NECTIN3: variants seen among roughly 807,000 people sequenced by gnomAD.
NECTIN3 encodes the protein nectin-3.
NECTIN3 carries 8 observed loss-of-function variants against 49.4 expected under a neutral mutation model. The observed-to-expected ratio is 0.16, with a 90% confidence interval of 0.10 to 0.29. The LOEUF is 0.29. Among genes scored for constraint, NECTIN3 ranks in the 10% least tolerant of loss-of-function variants. The pLI, the probability that NECTIN3 is intolerant of heterozygous loss-of-function variation, is 1.00. For synonymous variants in NECTIN3, 277 were observed against 241.1 expected (o/e 1.15, Z -1.38); for missense variants, 581 against 654.6 (o/e 0.89, Z 1.23).
At chr3:111,110,215 A>G (rs2033396100) in intron 1 of NECTIN3, among the ~76,000 whole-genome samples, 1 of 151,744 alleles carries the variant, frequency 6.6e-6, no homozygotes, top group African/African-American at 2.4e-5. Context: ...TTGAATTTCC[A>G]GTCTCAGTTG....
chr3:111,110,923 A>G (rs1044761955), intron 1 of NECTIN3, among the ~76,000 whole-genome samples: 10 of 151,890 alleles, frequency 6.6e-5, no homozygotes, highest in Non-Finnish European at 7.4e-5. Context: ...TTTTTACCAT[A>G]TTTGGATGTG....
intron 7 of NECTIN3, among the ~76,000 whole-genome samples, chr3:111,186,732 A>T (rs924450711): frequency 6.6e-6 from 1 of 152,196 alleles, no homozygotes; most frequent in African/African-American, 2.4e-5. Context: ...GAAACTAGGG[A>T]TGAAAGCCTC....
chr3:111,142,836 TAAG>T (rs1372449741), intron 5 of NECTIN3, among the ~76,000 whole-genome samples: 3 of 151,794 alleles, frequency 2.0e-5, no homozygotes, highest in Non-Finnish European at 4.4e-5. Context: ...GTCATCAAAA[TAAG>T]AACAAAAATT....
In NECTIN3 at chr3:111,136,357, T is replaced by C. The variant is rs2034575172; in HGVS notation, c.*2142T>C. 1 of 984,678 alleles carries C rather than the reference T, an allele frequency of 1.0e-6. No homozygotes were observed. 61.0% of individuals were successfully genotyped at this position (984,678 alleles called of 1,614,324 possible). On this transcript the variant is annotated 3_prime_UTR_variant, in exon 6 of 6. Transcript: ENST00000485303. The stretch of plus-strand genomic sequence containing the variant: ...GGTTATTTGTGCGATTAGGTTTTTT[T>C]GTTTGTTTCTTTTGTGTTTGTTTGG...
intron 7 of NECTIN3, among the ~76,000 whole-genome samples, chr3:111,177,142 A>G (rs1273417507): frequency 2.0e-5 from 3 of 152,268 alleles, no homozygotes; most frequent in Non-Finnish European, 4.4e-5. Context: ...ACTTATGGTT[A>G]TTTCAAAAAG....
chr3:111,108,171 T>G (rs552864758), intron 1 of NECTIN3, among the ~76,000 whole-genome samples: 25 of 152,010 alleles, frequency 1.6e-4, no homozygotes, highest in African/African-American at 4.3e-4. Flanking sequence ...ATAGTTACAT[T>G]AGTATTTGTT....
downstream of NECTIN3, chr3:111,137,609 A>G: frequency 1.7e-6 from 1 of 586,704 alleles, no homozygotes; most frequent in South Asian, 7.6e-5. Flanking sequence ...TTGTCCTCGT[A>G]TTTACTAAAG....
intron 7 of NECTIN3, among the ~76,000 whole-genome samples, chr3:111,182,347 TG>T (rs1328382351): frequency 1.3e-5 from 2 of 152,126 alleles, no homozygotes; most frequent in East Asian, 3.8e-4. Flanking sequence ...TAGGTCAAGT[TG>T]GTTGATAGTG....
At chr3:111,173,889 C>T (rs978199573) in intron 7 of NECTIN3, among the ~76,000 whole-genome samples, 3 of 152,086 alleles carry the variant, frequency 2.0e-5, no homozygotes, top group African/African-American at 7.3e-5. Context: ...CCCTTCTTCA[C>T]TCCCTATTGT....
rs1198157781 is a variant in NECTIN3 at position 111,137,550 on chromosome 3, C to G, written c.*3335C>G. 1 of 940,092 alleles carries G rather than the reference C, an allele frequency of 1.1e-6. No homozygotes were observed. Among genetic ancestry groups the G allele is most frequent in the Admixed American group, 6.2e-5 (1 of 16,008 alleles). The allele number at this position is 940,092 out of a possible 1,614,324, so 58.2% of individuals were successfully genotyped here. On this transcript the variant is annotated 3_prime_UTR_variant, in exon 6 of 6. Transcript: ENST00000485303. The stretch of plus-strand genomic sequence containing the variant: ...TCTTTAAATAAAAGTTAAAAAAGTT[C>G]TTTAGAGGCATATTTCTGTAATAAG...
chr3:111,122,148 A>C lies in NECTIN3; in HGVS notation c.827A>C (p.Tyr276Ser). Residue 276 changes from tyrosine (Y) to serine (S), a missense_variant, in exon 4 of 6, where the codon TAT (tyrosine) becomes TCT (serine). Physicochemically the swap from Tyr to Ser is moderately radical, Grantham distance 144 (BLOSUM62 -2). Coordinates refer to ENST00000485303, the MANE Select transcript of NECTIN3 (RefSeq NM_015480.3). Reference sequence around the variant, plus strand: ...GCTCCTGAAGTTTCGGTAACAGGATATGATGGAAATTGGTTTGTAGGAAGA... The same window carrying C: ...GCTCCTGAAGTTTCGGTAACAGGATCTGATGGAAATTGGTTTGTAGGAAGA... ...QYAPEVSVTGYDGNWFVGRKG... is the reference protein window; with the variant it reads ...QYAPEVSVTGSDGNWFVGRKG... 4 of 1,612,978 alleles carry C rather than the reference A, an allele frequency of 2.5e-6. No homozygotes were observed. Among genetic ancestry groups the C allele is most frequent in the Non-Finnish European group, 3.4e-6 (4 of 1,179,128 alleles).
chr3:111,120,392 A>G (rs889236064), intron 3 of NECTIN3, among the ~76,000 whole-genome samples: 7 of 152,176 alleles, frequency 4.6e-5, no homozygotes, highest in African/African-American at 9.7e-5. Context: ...CCTATAAGAC[A>G]TGTAAACAAA....
chr3:111,096,270 T>G (rs1241425886), intron 1 of NECTIN3, among the ~76,000 whole-genome samples: 1 of 152,154 alleles, frequency 6.6e-6, no homozygotes, highest in East Asian at 1.9e-4. Context: ...ACTTTGAAGC[T>G]GAGAGAGTTG....
intron 2 of NECTIN3, among the ~76,000 whole-genome samples, chr3:111,112,752 A>G (rs2033525783): frequency 1.3e-5 from 2 of 151,990 alleles, no homozygotes; most frequent in African/African-American, 2.4e-5. Flanking sequence ...TGAGTTTTGC[A>G]TCTAGGAGCC....
intron 1 of NECTIN3, among the ~76,000 whole-genome samples, chr3:111,096,372 A>G (rs2032582453): frequency 6.6e-6 from 1 of 152,228 alleles, no homozygotes; most frequent in African/African-American, 2.4e-5. Context: ...TTAAAAGGAA[A>G]ATAGACCATG....
intron 1 of NECTIN3, among the ~76,000 whole-genome samples, chr3:111,193,044 T>C (rs973148413): frequency 6.6e-6 from 1 of 152,196 alleles, no homozygotes; most frequent in African/African-American, 2.4e-5. Flanking sequence ...GACTGGAAAA[T>C]ATAAGTTGTT....
chr3:111,172,275 A>G (rs1159014871), intron 7 of NECTIN3, among the ~76,000 whole-genome samples: 1 of 152,202 alleles, frequency 6.6e-6, no homozygotes, highest in East Asian at 1.9e-4. Context: ...GCACACAAGC[A>G]TACCCACACA....
intron 3 of NECTIN3, among the ~76,000 whole-genome samples, chr3:111,121,809 C>T (rs953465165): frequency 6.6e-6 from 1 of 152,140 alleles, no homozygotes; most frequent in Non-Finnish European, 1.5e-5. Flanking sequence ...CTACATCTCG[C>T]ATAATAGGAT....
At chr3:111,164,604 G>T (rs2107522468) in intron 7 of NECTIN3, among the ~76,000 whole-genome samples, 1 of 152,304 alleles carries the variant, frequency 6.6e-6, no homozygotes, top group East Asian at 1.9e-4. Context: ...GGTCCTGGGG[G>T]GAAATCTTTT....
Sources: gnomAD v4.1 joint callset for allele counts (sites outside exome capture counted in the v4.1 genomes callset) on GRCh38, gnomAD v4.1.1 for gene constraint, MANE v1.5 for transcripts, NCBI Gene and HGNC (gene_info 2026-07-23, HGNC 2026-07-21) for gene names.